TLL1: variants seen among roughly 807,000 people sequenced by gnomAD.
TLL1 encodes the protein tolloid-like protein 1.
In TLL1, 49 loss-of-function variants were observed where a neutral mutation model predicts 128.2. That is an observed-to-expected ratio of 0.38 (90% CI 0.30 to 0.48). TLL1 has a LOEUF of 0.48. TLL1 is among the 20% of genes least tolerant of loss of function. The pLI is 0.96. For missense variants in TLL1, 1,123 were observed against 1,242.0 expected (o/e 0.90, Z 1.44); for synonymous variants, 454 against 418.8 (o/e 1.08, Z -1.03).
At chr4:165,970,092 G>C (rs1735566580) in intron 1 of TLL1, among the ~76,000 whole-genome samples, 2 of 152,224 alleles carry the variant, frequency 1.3e-5, no homozygotes, top group African/African-American at 4.8e-5. Flanking sequence ...GAGCTTTAAT[G>C]AGTGTTCTAA....
intron 1 of TLL1, among the ~76,000 whole-genome samples, chr4:165,901,713 C>A (rs1210671675): frequency 6.6e-6 from 1 of 152,178 alleles, no homozygotes; most frequent in African/African-American, 2.4e-5. Flanking sequence ...AGTAAGCAGG[C>A]ACAGTGGTCA....
intron 16 of TLL1, among the ~76,000 whole-genome samples, chr4:166,072,633 G>A (rs1374638832): frequency 6.6e-6 from 1 of 151,212 alleles, no homozygotes; most frequent in African/African-American, 2.4e-5. Flanking sequence ...TATGAGCAAA[G>A]GACTTAACCT....
In TLL1 at chr4:166,057,328, C is replaced by T. The variant is rs374906897; in HGVS notation, c.1846+19C>T. The T allele has an allele frequency of 6.2e-7, 1 of 1,613,452 alleles. No homozygotes were observed. Among genetic ancestry groups the T allele is most frequent in the Non-Finnish European group, 8.5e-7 (1 of 1,179,816 alleles). ...TGTGAAGGTATGACTGCACTCCTTC[C>T]TGGACCCCCACCCCCCACAATTATT... is the stretch of plus-strand genomic sequence containing the variant. On this transcript the variant is annotated intron_variant, in intron 14 of 20. Coordinates refer to ENST00000061240, the MANE Select transcript of TLL1 (RefSeq NM_012464.5).
chr4:165,902,711 A>G (rs552057978), intron 1 of TLL1, among the ~76,000 whole-genome samples: 1 of 152,150 alleles, frequency 6.6e-6, no homozygotes, highest in Non-Finnish European at 1.5e-5. Context: ...AGCTATTCCT[A>G]TTAGGCCATC....
At chr4:165,978,514 C>T (rs1031882554) in intron 1 of TLL1, among the ~76,000 whole-genome samples, 12 of 152,034 alleles carry the variant, frequency 7.9e-5, no homozygotes, top group African/African-American at 2.9e-4. Flanking sequence ...AATAATATCA[C>T]CATCACTGCC....
intron 17 of TLL1, among the ~76,000 whole-genome samples, chr4:166,077,236 A>G (rs1452370973): frequency 1.3e-5 from 2 of 152,060 alleles, no homozygotes; most frequent in Non-Finnish European, 2.9e-5. Context: ...TTGTAAAAAA[A>G]AAAAAAACCC....
At chr4:166,001,745 C>T (rs1560802713) in intron 5 of TLL1, among the ~76,000 whole-genome samples, 2 of 150,222 alleles carry the variant, frequency 1.3e-5, no homozygotes, top group Middle Eastern at 6.9e-3. Context: ...TGCAGTGGGC[C>T]GATTGTGCCA....
At chr4:165,995,606 A>C (rs1441506405) in intron 5 of TLL1, among the ~76,000 whole-genome samples, 1 of 152,230 alleles carries the variant, frequency 6.6e-6, no homozygotes, top group Non-Finnish European at 1.5e-5. Flanking sequence ...CTGTTTATAC[A>C]TCATTAACCT....
In TLL1 at chr4:165,884,419, C is replaced by T. The variant is rs563839481; in HGVS notation, c.169+10346C>T. The stretch of plus-strand genomic sequence containing the variant: ...GAGCACTGCAACTTTTAAGTAAGTA[C>T]TTTGTAGGCTTTGTTATTTGGCAGT... On this transcript the variant is annotated intron_variant, in intron 1 of 20. Coordinates refer to ENST00000061240, the MANE Select transcript of TLL1 (RefSeq NM_012464.5). 3.3e-5 allele frequency among the ~76,000 whole-genome samples: 5 copies of T among 152,182 alleles called. No individual in the cohort carries two copies. In the South Asian group the frequency reaches 1.0e-3, roughly 32 times the overall value.
intron 1 of TLL1, among the ~76,000 whole-genome samples, chr4:165,966,005 C>G (rs1194978986): frequency 2.6e-5 from 4 of 151,840 alleles, no homozygotes; most frequent in South Asian, 4.2e-4. Context: ...ATGGCAAAAC[C>G]CTGTCTCTAC....
At chr4:165,998,325 T>A (rs1246890521) in intron 5 of TLL1, among the ~76,000 whole-genome samples, 1 of 152,178 alleles carries the variant, frequency 6.6e-6, no homozygotes, top group Admixed American at 6.5e-5. Context: ...ACTTCTCTCC[T>A]TTTATTAGAT....
intron 1 of TLL1, among the ~76,000 whole-genome samples, chr4:165,956,314 C>T (rs749254925): frequency 6.6e-6 from 1 of 152,028 alleles, no homozygotes; most frequent in Non-Finnish European, 1.5e-5. Flanking sequence ...TTTTTCCCCA[C>T]TCTAATAAGC....
chr4:165,973,484 A>G (rs1008999235), intron 1 of TLL1, among the ~76,000 whole-genome samples: 1 of 151,950 alleles, frequency 6.6e-6, no homozygotes, highest in Non-Finnish European at 1.5e-5. Flanking sequence ...TTTTGGTTAC[A>G]GTCCCTTGCT....
intron 1 of TLL1, among the ~76,000 whole-genome samples, chr4:165,925,148 A>G (rs571743303): frequency 6.6e-6 from 1 of 152,338 alleles, no homozygotes; most frequent in South Asian, 2.1e-4. Flanking sequence ...CAGAGGAGCA[A>G]TTTTGGCTTT....
rs1742270845 is a variant in TLL1 at position 166,101,202 on chromosome 4, C to T, written c.*326C>T. ...AGACAGTTTAATTCAGGAACTGTGA[C>T]CCTGCAGTGTTCTTTTTGACAATTT... On this transcript the variant is annotated 3_prime_UTR_variant, in exon 21 of 21. Coordinates refer to ENST00000061240, the MANE Select transcript of TLL1 (RefSeq NM_012464.5). 6.0e-6 allele frequency: 2 copies of T among 330,842 alleles called. No homozygotes were observed. Among genetic ancestry groups the T allele is most frequent in the South Asian group, 2.9e-5 (1 of 34,376 alleles). The allele number at this position is 330,842 out of a possible 1,614,324, so 20.5% of individuals were successfully genotyped here.
intron 1 of TLL1, among the ~76,000 whole-genome samples, chr4:165,982,453 C>T (rs915281772): frequency 1.3e-5 from 2 of 151,784 alleles, no homozygotes; most frequent in African/African-American, 4.8e-5. Flanking sequence ...TTCAGAGAGT[C>T]AGTGAGTTTT....
intron 1 of TLL1, among the ~76,000 whole-genome samples, chr4:165,977,982 A>G (rs1435511817): frequency 1.3e-5 from 2 of 152,204 alleles, no homozygotes; most frequent in Non-Finnish European, 2.9e-5. Flanking sequence ...GGGTTTAAAC[A>G]TATTTGATAA....
At chr4:165,875,668 G>GT (rs1436763249) in intron 1 of TLL1, among the ~76,000 whole-genome samples, 2 of 152,162 alleles carry the variant, frequency 1.3e-5, no homozygotes, top group Non-Finnish European at 2.9e-5. Flanking sequence ...CTCCTTAAAT[G>GT]TACTTTTTGC....
chr4:165,952,918 T>C (rs996523694), intron 1 of TLL1, among the ~76,000 whole-genome samples: 4 of 152,158 alleles, frequency 2.6e-5, no homozygotes, highest in Non-Finnish European at 4.4e-5. Flanking sequence ...TGAGGTGTTA[T>C]ATAGATTTCA....
Sources: allele counts gnomAD v4.1 joint callset (sites outside exome capture counted in the v4.1 genomes callset), GRCh38; gene constraint gnomAD v4.1.1; transcripts MANE v1.5; gene names NCBI Gene and HGNC (gene_info 2026-07-23, HGNC 2026-07-21).